FBRSL1: variants seen among roughly 807,000 people sequenced by gnomAD.
The protein encoded by FBRSL1 is fibrosin-1-like protein.
FBRSL1 carries 51 observed loss-of-function variants against 89.6 expected under a neutral mutation model. The ratio of observed to expected loss-of-function variants is 0.57; its 90% CI spans 0.45 to 0.72. FBRSL1 has a LOEUF of 0.72. Among genes scored for constraint, FBRSL1 ranks in the 30% least tolerant of loss-of-function variants. The pLI is 0.00. For synonymous variants in FBRSL1, 779 were observed against 681.1 expected (o/e 1.14, Z -2.24); for missense variants, 1,618 against 1,451.8 (o/e 1.11, Z -1.86).
intron 5 of FBRSL1, among the ~76,000 whole-genome samples, chr12:132,556,035 T>G (rs2038606022): frequency 1.3e-5 from 2 of 152,168 alleles, no homozygotes; most frequent in South Asian, 4.1e-4. Context: ...TCCCTGGGTT[T>G]CTGTGTTTCC....
intron 5 of FBRSL1, among the ~76,000 whole-genome samples, chr12:132,549,957 GCAGCCC>G (rs2038008377): frequency 6.6e-6 from 1 of 152,240 alleles, no homozygotes; most frequent in Non-Finnish European, 1.5e-5. Context: ...AGACGCCCAA[GCAGCCC>G]CAGGGGAGAT....
At chr12:132,511,148 A>G (rs1593287742) in intron 2 of FBRSL1, 1 of 985,434 alleles carries the variant, frequency 1.0e-6, no homozygotes, top group Non-Finnish European at 1.2e-6. Context: ...ACATGGGCCC[A>G]TCTGGTGGGT....
chr12:132,565,532 T>TATACGTACCCGAGTGTGCACAC (rs1248376334), intron 5 of FBRSL1: 1 of 151,514 alleles, frequency 6.6e-6, no homozygotes, highest in Admixed American at 6.6e-5. Flanking sequence ...AGTGTGCTCA[T>TATACGTACCCGAGTGTGCACAC]GTACACGTAC....
rs1485153180 is a variant in FBRSL1, at chr12:132,499,647, G to A, written c.292-8506G>A. Among the ~76,000 whole-genome samples the A allele has an allele frequency of 1.3e-5, 2 of 152,014 alleles. No individual in the cohort carries two copies. The highest frequency in any genetic ancestry group is 4.8e-5 in the African/African-American group (2 of 41,378). ...CCGTCAGGAAGGGCACATGTAGCAG[G>A]TGGTACAGGTTTGGGGTGCCGGTGG... On this transcript the variant is annotated intron_variant, in intron 1 of 18. Coordinates refer to ENST00000680143, the MANE Select transcript of FBRSL1 (RefSeq NM_001367871.1). The surrounding 1 kb of genome is among the most constrained non-coding windows in gnomAD (Gnocchi z 4.3).
chr12:132,490,599 G>C lies in FBRSL1; in HGVS notation c.29G>C (p.Arg10Pro), dbSNP rs1593201656. 9 of 982,868 alleles carry C rather than the reference G, an allele frequency of 9.2e-6. No individual in the cohort carries two copies. Among genetic ancestry groups the C allele is most frequent in the Non-Finnish European group, 1.1e-5 (9 of 829,694 alleles). 60.9% of individuals were successfully genotyped at this position (982,868 alleles called of 1,614,324 possible). The stretch of plus-strand genomic sequence containing the variant: ...GAGGCCAAGGTCCGCCCGAGCCGGC[G>C]CTCGCGCGCGCAGCGGGACCGTGGC... Reference protein sequence around the residue: MEAKVRPSRRSRAQRDRGRR... With the variant: MEAKVRPSRPSRAQRDRGRR... The change falls in exon 1 of 19, where the codon CGC (arginine) becomes CCC (proline). Residue 10 changes from arginine to proline, a missense_variant. Physicochemically the swap from Arg to Pro is moderately radical, Grantham distance 103. Coordinates refer to ENST00000680143, the MANE Select transcript of FBRSL1 (RefSeq NM_001367871.1).
intron 4 of FBRSL1, among the ~76,000 whole-genome samples, chr12:132,536,739 G>A (rs1274789606): frequency 1.3e-5 from 2 of 151,748 alleles, no homozygotes; most frequent in Non-Finnish European, 2.9e-5. Flanking sequence ...TGTACATGAA[G>A]GTGTGTGTGC....
At chr12:132,505,512 A>G (rs933991993) in intron 1 of FBRSL1, among the ~76,000 whole-genome samples, 8 of 152,112 alleles carry the variant, frequency 5.3e-5, no homozygotes, top group African/African-American at 1.9e-4. Flanking sequence ...TGGTCCTCAC[A>G]GGAGCGGGGG....
intron 2 of FBRSL1, among the ~76,000 whole-genome samples, chr12:132,516,631 T>C (rs989065457): frequency 6.6e-6 from 1 of 152,228 alleles, no homozygotes; most frequent in Non-Finnish European, 1.5e-5. Flanking sequence ...ACCAGGCACA[T>C]TTCCACCAGT....
At position 132,563,381 on chromosome 12, in the gene FBRSL1, C is replaced by T. The variant is rs182784373; in HGVS notation, c.646-4100C>T. On this transcript the variant is annotated intron_variant, in intron 5 of 18. Transcript: ENST00000680143. ...CCCAGCCCGTACCCCACGCCTGGCC[C>T]CCACAGCCTGCACCCCACATCTGGT... Among the ~76,000 whole-genome samples the T allele has an allele frequency of 4.7e-3, 657 of 141,246 alleles. 14 individuals carry two copies. Among genetic ancestry groups the T allele is most frequent in the African/African-American group, 0.017 (618 of 36,644 alleles). The allele number at this position is 141,246 out of a possible 152,430, so 92.7% of individuals were successfully genotyped here.
intron 2 of FBRSL1, among the ~76,000 whole-genome samples, chr12:132,523,099 C>G (rs1283122146): frequency 6.6e-6 from 1 of 152,136 alleles, no homozygotes; most frequent in Non-Finnish European, 1.5e-5. Flanking sequence ...AAAGGGGCCC[C>G]CTCTGGCCCC....
At chr12:132,545,484 C>T (rs1335701563) in intron 4 of FBRSL1, among the ~76,000 whole-genome samples, 1 of 152,254 alleles carries the variant, frequency 6.6e-6, no homozygotes, top group Non-Finnish European at 1.5e-5. Flanking sequence ...TGAGAGGATC[C>T]ATGCAGCGTC....
At position 132,578,609 on chromosome 12, in the gene FBRSL1, C is replaced by T. The variant is rs1439420842; in HGVS notation, c.1834+1678C>T. 2.6e-5 allele frequency among the ~76,000 whole-genome samples: 4 copies of T among 152,288 alleles called. No homozygotes were observed. The South Asian group carries it at 8.3e-4, about 32-fold the overall frequency. ...GTGTACAGGCACACGTACACACAGG[C>T]ACAGGCACACACATGGGCACTGCGT... On this transcript the variant is annotated intron_variant, in intron 15 of 18. Coordinates refer to ENST00000680143, the MANE Select transcript of FBRSL1 (RefSeq NM_001367871.1).
Position 132,581,085 on chromosome 12 carries a change from T to C in FBRSL1, c.1835-354T>C, listed in dbSNP as rs2040713071. ...TCTATCAGCTCCCAGGTGAAAGCTC[T>C]GAGATAAAGGCTTCAGGAGTGGTCC... On this transcript the variant is annotated intron_variant, in intron 15 of 18. Transcript: ENST00000680143. 6.1e-6 allele frequency: 6 copies of C among 983,046 alleles called. No individual in the cohort carries two copies. The Admixed American group carries it at 3.7e-4, about 60-fold the overall frequency. 60.9% of individuals were successfully genotyped at this position (983,046 alleles called of 1,614,324 possible).
intron 2 of FBRSL1, among the ~76,000 whole-genome samples, chr12:132,524,265 G>A (rs1317837): frequency 0.015 from 2,238 of 152,324 alleles, 32 homozygotes; most frequent in Non-Finnish European, 0.022. Flanking sequence ...CCCGGCTCCC[G>A]CCCAGTAAGG....
intron 10 of FBRSL1, 72 bp downstream of exon 10, chr12:132,572,416 C>A: frequency 6.6e-7 from 1 of 1,523,540 alleles, no homozygotes; most frequent in Middle Eastern, 1.7e-4. Flanking sequence ...GTGGGTGGGG[C>A]TGCCCCTCGC....
intron 2 of FBRSL1, chr12:132,511,187 C>T (rs2034296867): frequency 3.0e-6 from 3 of 985,508 alleles, no homozygotes; most frequent in Non-Finnish European, 3.6e-6. Flanking sequence ...CGGAGGCTCC[C>T]ACCCCCACCT....
chr12:132,541,362 C>T (rs1328000423), intron 4 of FBRSL1, among the ~76,000 whole-genome samples: 2 of 152,216 alleles, frequency 1.3e-5, no homozygotes, highest in Admixed American at 6.5e-5. Flanking sequence ...AGATTTGGGC[C>T]CTGCAGCTCC....
chr12:132,535,716 C>T (rs947438094), intron 4 of FBRSL1, among the ~76,000 whole-genome samples: 12 of 152,272 alleles, frequency 7.9e-5, no homozygotes, highest in African/African-American at 1.2e-4. Flanking sequence ...AGAGGGGAGG[C>T]TCGCAGGGCC....
intron 2 of FBRSL1, among the ~76,000 whole-genome samples, chr12:132,516,601 T>C (rs901021815): frequency 3.4e-4 from 52 of 152,218 alleles, no homozygotes; most frequent in Non-Finnish European, 6.6e-4. Context: ...AGCCTAACAC[T>C]TGAAGTCTTT....
Sources: allele counts gnomAD v4.1 joint callset (sites outside exome capture counted in the v4.1 genomes callset), GRCh38; gene constraint gnomAD v4.1.1; non-coding constraint Gnocchi (gnomAD v3.1); transcripts MANE v1.5; gene names NCBI Gene and HGNC (gene_info 2026-07-23, HGNC 2026-07-21).